Variants in CEP41 observed in about 807,000 individuals in gnomAD.
CEP41 encodes the protein centrosomal protein of 41 kDa.
Under a neutral mutation model 44.3 loss-of-function variants are expected in CEP41, and 32 were observed. The observed-to-expected ratio is 0.72, with a 90% CI of 0.54 to 0.97. CEP41 has a LOEUF of 0.97. Ranked by LOEUF, CEP41 falls within the 50% of genes least tolerant of loss-of-function variation. CEP41 has a pLI of 0.00. For missense variants in CEP41, 432 were observed against 455.2 expected, an observed-to-expected ratio of 0.95 and a Z score of 0.46; for synonymous variants, 151 against 168.5, an observed-to-expected ratio of 0.90 and a Z score of 0.80.
intron 1 of CEP41, among the ~76,000 whole-genome samples, chr7:130,430,150 C>T (rs1323069900): frequency 6.6e-6 from 1 of 152,106 alleles, no homozygotes; most frequent in African/African-American, 2.4e-5. Context: ...ATCTGTTGGC[C>T]AGAGTTTTGG....
At chr7:130,441,580 T>C (rs1321147416), upstream of CEP41, among the ~76,000 whole-genome samples, 1 of 152,264 alleles carries the variant, frequency 6.6e-6, no homozygotes, top group African/African-American at 2.4e-5. Context: ...AGGCTAGCTA[T>C]AGAGCGACAT....
intron 9 of CEP41, 130 bp from the exon 10 acceptor site, chr7:130,400,384 T>A: frequency 1.4e-6 from 1 of 726,746 alleles, no homozygotes; most frequent in Non-Finnish European, 2.5e-6. Flanking sequence ...ATGAAATCTT[T>A]CTTAACTATT....
At chr7:130,436,932 G>C (rs1269264957) in intron 1 of CEP41, among the ~76,000 whole-genome samples, 3 of 152,098 alleles carry the variant, frequency 2.0e-5, no homozygotes, top group Admixed American at 2.0e-4. Context: ...CCAGCTACTT[G>C]GGAAGCTGAG....
At chr7:130,424,180 T>A (rs1446245255) in intron 2 of CEP41, among the ~76,000 whole-genome samples, 1 of 152,070 alleles carries the variant, frequency 6.6e-6, no homozygotes, top group Non-Finnish European at 1.5e-5. Context: ...GTGGATCACT[T>A]GAGGTCAGAC....
chr7:130,406,833 G>A (rs967227843), intron 5 of CEP41, among the ~76,000 whole-genome samples: 3 of 151,528 alleles, frequency 2.0e-5, no homozygotes, highest in East Asian at 1.9e-4. Context: ...GTGGGGGGAC[G>A]GGGGAGGGAA....
At chr7:130,441,023 A>G, upstream of CEP41, 1 of 1,576,436 alleles carries the variant, frequency 6.3e-7, no homozygotes, top group Non-Finnish European at 8.7e-7. Flanking sequence ...CTCTAACCCT[A>G]GCTTCCTACC....
chr7:130,401,997 A>G (rs782110223), intron 7 of CEP41, 49 bp from the exon 8 acceptor site: 1 of 1,299,664 alleles, frequency 7.7e-7, no homozygotes, highest in Non-Finnish European at 1.1e-6. Context: ...TCTTAATACA[A>G]CTTGGCCTCA....
chr7:130,418,748 C>T (rs1357167788), intron 2 of CEP41, among the ~76,000 whole-genome samples: 1 of 152,148 alleles, frequency 6.6e-6, no homozygotes, highest in Admixed American at 6.5e-5. Flanking sequence ...CACAATTAAT[C>T]ATGAGGTAAA....
chr7:130,399,048 A>G lies in CEP41; in HGVS notation c.974-9T>C. 2 of 1,613,730 alleles carry G rather than the reference A, an allele frequency of 1.2e-6. No homozygotes were observed. The highest frequency in any genetic ancestry group is 1.7e-6 in the Non-Finnish European group (2 of 1,180,026). Reference sequence around the variant, plus strand: ...AGCTTGGTTCAGTCGGCCTGAAGGGAGCAAGAAAGAAGGAACAGAGCTGCA... The same window carrying G: ...AGCTTGGTTCAGTCGGCCTGAAGGGGGCAAGAAAGAAGGAACAGAGCTGCA... On this transcript the variant is annotated splice_polypyrimidine_tract_variant and intron_variant, in intron 10 of 10. Coordinates refer to ENST00000223208, the MANE Select transcript of CEP41 (RefSeq NM_018718.3).
At chr7:130,440,785 C>CCCCCCCCCCCCCCA in intron 1 of CEP41, 149 bp downstream of exon 1, 3 of 561,264 alleles carry the variant, frequency 5.3e-6, no homozygotes, top group East Asian at 3.7e-5. Flanking sequence ...AAGCCCGGCC[C>CCCCCCCCCCCCCCA]GCCCCGCCCC....
Position 130,397,275 on chromosome 7 carries a change from AT to A in CEP41, c.*1615del. 1 of 454,522 alleles carries A rather than the reference AT, an allele frequency of 2.2e-6. No homozygotes were observed. The highest frequency in any genetic ancestry group is 4.4e-6 in the Non-Finnish European group (1 of 226,788). 28.2% of individuals were successfully genotyped at this position (454,522 alleles called of 1,614,324 possible). A position where few individuals can be genotyped will look rare whatever the true frequency, so the allele number is the denominator to read the frequency against. On this transcript the variant is annotated 3_prime_UTR_variant, in exon 11 of 11. Transcript: ENST00000223208. ...GCTGAATTTTATACAAGATTCTTGA[AT>A]CTTGTGGAAAATTGGGCATGGCTTG...
At chr7:130,406,243 G>A (rs555239263) in intron 5 of CEP41, among the ~76,000 whole-genome samples, 2 of 152,220 alleles carry the variant, frequency 1.3e-5, no homozygotes, top group East Asian at 1.9e-4. Context: ...AGAACAAAAC[G>A]TTTGAGAATT....
chr7:130,411,815 C>T (rs1797190143), intron 4 of CEP41, among the ~76,000 whole-genome samples: 1 of 151,922 alleles, frequency 6.6e-6, no homozygotes, highest in South Asian at 2.1e-4. Context: ...AAGATCAGTC[C>T]AAGAAAAGGG....
intron 1 of CEP41, among the ~76,000 whole-genome samples, chr7:130,430,700 C>T (rs574850907): frequency 1.6e-3 from 250 of 152,166 alleles, no homozygotes; most frequent in African/African-American, 5.9e-3. Context: ...AGTCAAGTAA[C>T]GCTAATACTA....
At chr7:130,416,806 C>A (rs1211079689) in intron 3 of CEP41, 113 bp downstream of exon 3, 2 of 860,876 alleles carry the variant, frequency 2.3e-6, no homozygotes, top group African/African-American at 3.3e-5. Flanking sequence ...GCTTATCGGA[C>A]CATCCATAGC....
intron 7 of CEP41, among the ~76,000 whole-genome samples, chr7:130,402,284 T>A (rs1241819232): frequency 6.8e-6 from 1 of 146,904 alleles, no homozygotes; most frequent in East Asian, 2.0e-4. Context: ...AAGGCAAGGC[T>A]GCAGTGAGCT....
intron 2 of CEP41, chr7:130,419,315 A>T: frequency 4.1e-6 from 4 of 985,428 alleles, no homozygotes; most frequent in Non-Finnish European, 4.8e-6. Flanking sequence ...TAATTGGACA[A>T]ATGAGATAGC....
In CEP41 at chr7:130,395,954, G is replaced by A. The variant is rs537386747; in HGVS notation, c.*2937C>T. On this transcript the variant is annotated 3_prime_UTR_variant, in exon 11 of 11. Coordinates refer to ENST00000223208, the MANE Select transcript of CEP41 (RefSeq NM_018718.3). ...TCATTCCATACTTTTTCAAGAGATT[G>A]AGCCTGACATTATTACAGCCCAGGG... 3 of 452,772 alleles carry A rather than the reference G, an allele frequency of 6.6e-6. No homozygotes were observed. The highest frequency in any genetic ancestry group is 2.0e-5 in the African/African-American group (1 of 49,874). The allele number at this position is 452,772 out of a possible 1,614,324, so 28.0% of individuals were successfully genotyped here. A position where few individuals can be genotyped will look rare whatever the true frequency, so the allele number is the denominator to read the frequency against.
rs1554416137 is a variant in CEP41 at position 130,398,969 on chromosome 7, C to A, written c.1044G>T (p.Leu348=). ...KVPGARSAQN[L]PGGGPASHSN... ...AGTGGCTGGCGGGGCCGCCACCTGG[C>A]AGATTCTGAGCGCTTCGGGCACCAG... The change falls in exon 11 of 11, where the codon CTG becomes CTT. Residue 348 remains leucine (L), a synonymous_variant. Transcript: ENST00000223208. 1 of 1,614,192 alleles carries A rather than the reference C, an allele frequency of 6.2e-7. No individual in the cohort carries two copies. The highest frequency in any genetic ancestry group is 2.2e-5 in the East Asian group (1 of 44,884).
Sources: allele counts gnomAD v4.1 joint callset (sites outside exome capture counted in the v4.1 genomes callset), GRCh38; gene constraint gnomAD v4.1.1; transcripts MANE v1.5; gene names NCBI Gene and HGNC (gene_info 2026-07-23, HGNC 2026-07-21).